The following NBAS variants were observed in gnomAD, a reference collection of about 807,000 sequenced individuals.
NBAS encodes NAG/BC035112 fusion.
In NBAS, 219 loss-of-function variants were observed where a neutral mutation model predicts 302.5. That is an observed-to-expected ratio of 0.72 (90% CI 0.65 to 0.81). The LOEUF is 0.81. NBAS is among the 30% of genes least tolerant of loss of function. The pLI, the probability that NBAS is intolerant of heterozygous loss-of-function variation, is 0.00. For synonymous variants in NBAS, 1,118 were observed against 1,021.6 expected (o/e 1.09, Z -1.80); for missense variants, 2,932 against 2,841.6 (o/e 1.03, Z -0.72).
chr2:14,952,727 A>T, the NBAS span, among the ~76,000 whole-genome samples: 1 of 152,256 alleles, frequency 6.6e-6, no homozygotes, highest in African/African-American at 2.4e-5. Context: ...TTTCAAGGTC[A>T]GAAACACCCA....
chr2:14,920,106 A>G, the NBAS span, among the ~76,000 whole-genome samples: 6 of 152,232 alleles, frequency 3.9e-5, no homozygotes, highest in Non-Finnish European at 7.3e-5. Context: ...AAGACTTGAA[A>G]GTCAAAATTA....
chr2:15,391,688 C>G (rs1295008285), intron 28 of NBAS, among the ~76,000 whole-genome samples: 1 of 151,780 alleles, frequency 6.6e-6, no homozygotes, highest in Non-Finnish European at 1.5e-5. Flanking sequence ...GATCCAAGAT[C>G]CAAGATGCTT....
intron 7 of NBAS, chr2:15,538,408 T>A: frequency 2.5e-6 from 1 of 405,074 alleles, no homozygotes; most frequent in South Asian, 1.9e-5. Context: ...ATCATTGGTT[T>A]TCAACCCTAG....
chr2:14,783,383 A>T, the NBAS span, among the ~76,000 whole-genome samples: 1 of 151,610 alleles, frequency 6.6e-6, no homozygotes, highest in Non-Finnish European at 1.5e-5. Context: ...GGTTAGTTAC[A>T]TAAGTATACA....
chr2:15,121,378 C>T, the NBAS span, among the ~76,000 whole-genome samples: 1 of 152,138 alleles, frequency 6.6e-6, no homozygotes, highest in Non-Finnish European at 1.5e-5. Context: ...CTCAGACAAG[C>T]CATGGTTCTG....
At chr2:15,499,367 C>A (rs1681195045) in intron 11 of NBAS, among the ~76,000 whole-genome samples, 1 of 152,188 alleles carries the variant, frequency 6.6e-6, no homozygotes, top group Non-Finnish European at 1.5e-5. Flanking sequence ...CCTAAATGCC[C>A]ATCAGTGATA....
chr2:15,116,780 G>A, the NBAS span, among the ~76,000 whole-genome samples: 5 of 152,128 alleles, frequency 3.3e-5, no homozygotes, highest in South Asian at 4.1e-4. Context: ...AGATGGAAAC[G>A]TCTCAGGATC....
the NBAS span, among the ~76,000 whole-genome samples, chr2:14,959,510 T>A: frequency 6.6e-6 from 1 of 152,212 alleles, no homozygotes; most frequent in Non-Finnish European, 1.5e-5. Flanking sequence ...CTTACAGTCC[T>A]TCCCAACATA....
At chr2:15,321,550 A>G (rs1214782348) in intron 38 of NBAS, among the ~76,000 whole-genome samples, 2 of 152,200 alleles carry the variant, frequency 1.3e-5, no homozygotes, top group African/African-American at 2.4e-5. Context: ...AATCTACAAG[A>G]AAAAAAGCAA....
intron 23 of NBAS, among the ~76,000 whole-genome samples, chr2:15,422,638 G>A (rs894882237): frequency 1.3e-5 from 2 of 151,314 alleles, no homozygotes; most frequent in Non-Finnish European, 2.9e-5. Flanking sequence ...TTTGAAATTT[G>A]GGTTACAAAA....
chr2:15,037,734 T>G, the NBAS span, among the ~76,000 whole-genome samples: 2 of 152,272 alleles, frequency 1.3e-5, no homozygotes, highest in African/African-American at 4.8e-5. Flanking sequence ...CAATCTTTCT[T>G]TCTACATTTT....
chr2:15,151,458 A>G, the NBAS span, among the ~76,000 whole-genome samples: 1 of 152,262 alleles, frequency 6.6e-6, no homozygotes, highest in Non-Finnish European at 1.5e-5. Flanking sequence ...AACAGCTACA[A>G]TAGCTAACTC....
At chr2:15,050,959 C>A in the NBAS span, among the ~76,000 whole-genome samples, 1 of 152,170 alleles carries the variant, frequency 6.6e-6, no homozygotes, top group Non-Finnish European at 1.5e-5. Context: ...TGGTTTTCCT[C>A]CTCACAGTAG....
the NBAS span, among the ~76,000 whole-genome samples, chr2:14,850,227 G>A: frequency 7.5e-6 from 1 of 132,812 alleles, no homozygotes; most frequent in East Asian, 1.9e-4. Flanking sequence ...TAAAAGGATG[G>A]AGGAAGATCT....
intron 7 of NBAS, among the ~76,000 whole-genome samples, chr2:15,537,267 T>C (rs1481627763): frequency 6.6e-6 from 1 of 152,214 alleles, no homozygotes; most frequent in Non-Finnish European, 1.5e-5. Context: ...TTTGTGACAG[T>C]GCTCCTCAGT....
chr2:15,330,807 C>G (rs1287056826), intron 35 of NBAS, 42 bp from the exon 36 acceptor site: 1 of 1,597,310 alleles, frequency 6.3e-7, no homozygotes, highest in Non-Finnish European at 8.6e-7. Context: ...AAATGCATTA[C>G]CATAAGAACA....
the NBAS span, among the ~76,000 whole-genome samples, chr2:15,073,493 A>T: frequency 1.0e-4 from 15 of 145,024 alleles, no homozygotes; most frequent in Non-Finnish European, 1.5e-4. Context: ...AAAAAAAAAT[A>T]AAAAATAAAA....
intron 4 of NBAS, 88 bp downstream of exon 4, chr2:15,553,973 A>C: frequency 8.6e-7 from 1 of 1,164,042 alleles, no homozygotes; most frequent in East Asian, 2.4e-5. Context: ...ATCAAGACTG[A>C]AAGCCACAAG....
At chr2:15,428,784 C>T (rs1175609614) in intron 21 of NBAS, among the ~76,000 whole-genome samples, 1 of 152,136 alleles carries the variant, frequency 6.6e-6, no homozygotes, top group Admixed American at 6.5e-5. Flanking sequence ...TGGCTCACGC[C>T]TGTAATCCCA....
Sources: allele counts gnomAD v4.1 joint callset (sites outside exome capture counted in the v4.1 genomes callset), GRCh38; gene constraint gnomAD v4.1.1; transcripts MANE v1.5; gene names NCBI Gene and HGNC (gene_info 2026-07-23, HGNC 2026-07-21).